Variants in CLSTN2 observed in about 807,000 individuals in gnomAD.
The protein encoded by CLSTN2 is calsyntenin 2, also known as calsyntenin-2.
In CLSTN2, 48 loss-of-function variants were observed where a neutral mutation model predicts 101.2. The observed-to-expected ratio is 0.47, with a 90% confidence interval of 0.38 to 0.60. The LOEUF is 0.60. Among genes scored for constraint, CLSTN2 ranks in the 20% least tolerant of loss-of-function variants. The probability of loss-of-function intolerance (pLI) is 0.00; values close to 1 mark genes in which losing one functional copy is unlikely to be tolerated. For missense variants in CLSTN2, 1,160 were observed against 1,238.2 expected, an observed-to-expected ratio of 0.94 and a Z score of 0.95; for synonymous variants, 481 against 463.6, an observed-to-expected ratio of 1.04 and a Z score of -0.48.
At chr3:140,397,310 A>G (rs2088193326) in intron 2 of CLSTN2, among the ~76,000 whole-genome samples, 1 of 152,162 alleles carries the variant, frequency 6.6e-6, no homozygotes, top group Non-Finnish European at 1.5e-5. Flanking sequence ...TTGGAAAGGA[A>G]GTGGTATTTT....
chr3:140,296,529 A>ATAT lies in CLSTN2; in HGVS notation c.233-107098_233-107096dup, dbSNP rs546907762. Among the ~76,000 whole-genome samples, 12 of 152,290 alleles carry ATAT rather than the reference A, an allele frequency of 7.9e-5. No homozygotes were observed. In the South Asian group the frequency reaches 2.3e-3, roughly 29 times the overall value. On this transcript the variant is annotated intron_variant, in intron 2 of 16. Coordinates refer to ENST00000458420, the MANE Select transcript of CLSTN2 (RefSeq NM_022131.3). ...TTCAAACAGTCTCAGCTTACTTGTT[A>ATAT]TATTTTTCATGGATTGCCTAATTCA... is the stretch of plus-strand genomic sequence containing the variant.
At chr3:139,996,908 G>A (rs1366941668) in intron 1 of CLSTN2, among the ~76,000 whole-genome samples, 4 of 151,780 alleles carry the variant, frequency 2.6e-5, no homozygotes, top group African/African-American at 4.8e-5. Context: ...TTAGCCGGGC[G>A]TGGTGGCGGG....
intron 2 of CLSTN2, among the ~76,000 whole-genome samples, chr3:140,181,429 A>AT (rs939215601): frequency 4.5e-4 from 69 of 152,122 alleles, no homozygotes; most frequent in Middle Eastern, 3.4e-3. Context: ...ATAATCTGTG[A>AT]TTTTTTTTAA....
intron 1 of CLSTN2, among the ~76,000 whole-genome samples, chr3:139,949,216 T>G (rs1311141601): frequency 6.6e-6 from 1 of 152,148 alleles, no homozygotes; most frequent in Non-Finnish European, 1.5e-5. Context: ...TGCGCCTCAC[T>G]AGATTGCGTT....
chr3:140,248,109 C>A (rs769234749), intron 2 of CLSTN2, among the ~76,000 whole-genome samples: 1 of 152,194 alleles, frequency 6.6e-6, no homozygotes, highest in Non-Finnish European at 1.5e-5. Context: ...GTGATGGGAT[C>A]TTCAAAGACC....
At chr3:140,321,594 C>T (rs991604937) in intron 2 of CLSTN2, among the ~76,000 whole-genome samples, 1 of 152,068 alleles carries the variant, frequency 6.6e-6, no homozygotes, top group African/African-American at 2.4e-5. Context: ...TAAATTTTTG[C>T]TGCACATTTT....
At chr3:140,380,894 G>A (rs577915458) in intron 2 of CLSTN2, among the ~76,000 whole-genome samples, 1 of 152,346 alleles carries the variant, frequency 6.6e-6, no homozygotes, top group East Asian at 1.9e-4. Context: ...AAGAAGTGTA[G>A]TTGTGGGCCT....
At chr3:140,492,843 G>T (rs978718398) in intron 8 of CLSTN2, among the ~76,000 whole-genome samples, 2 of 152,136 alleles carry the variant, frequency 1.3e-5, no homozygotes, top group Admixed American at 6.5e-5. Flanking sequence ...GGATGGAAAT[G>T]AACAGGGATG....
rs1933411531 is a variant in CLSTN2 at position 140,456,795 on chromosome 3, TAAAATAAAATAATA to T, written c.974-2713_974-2700del. Among the ~76,000 whole-genome samples the T allele has an allele frequency of 6.5e-5, 9 of 137,446 alleles. No individual in the cohort carries two copies. The South Asian group carries it at 2.1e-3, about 32-fold the overall frequency. The allele number at this position is 137,446 out of a possible 152,430, so 90.2% of individuals were successfully genotyped here. A position where few individuals can be genotyped will look rare whatever the true frequency, so the allele number is the denominator to read the frequency against. On this transcript the variant is annotated intron_variant, in intron 6 of 16. Transcript: ENST00000458420. Reference sequence around the variant, plus strand: ...GCAAGAGTCCGTCTCAAAAATAAAATAAAATAAAATAATAAAAATAAAATAAATAAGGTTACATA... The same window carrying T: ...GCAAGAGTCCGTCTCAAAAATAAAATAAAATAAAATAAATAAGGTTACATA...
intron 1 of CLSTN2, among the ~76,000 whole-genome samples, chr3:140,089,803 G>C (rs983555982): frequency 6.6e-6 from 1 of 150,956 alleles, no homozygotes; most frequent in Non-Finnish European, 1.5e-5. Flanking sequence ...GTAGAGATAG[G>C]GTTTTACCAT....
At chr3:140,145,289 C>T (rs1377141072) in intron 1 of CLSTN2, among the ~76,000 whole-genome samples, 1 of 152,182 alleles carries the variant, frequency 6.6e-6, no homozygotes, top group East Asian at 1.9e-4. Context: ...AGTGAAGGAG[C>T]CCCAGGGAAA....
intron 4 of CLSTN2, among the ~76,000 whole-genome samples, chr3:140,416,771 G>A (rs895065786): frequency 6.6e-6 from 1 of 152,220 alleles, no homozygotes; most frequent in Non-Finnish European, 1.5e-5. Context: ...TGACAGTGGA[G>A]GGAGCGGTAG....
At chr3:139,964,322 G>C (rs1935558270) in intron 1 of CLSTN2, among the ~76,000 whole-genome samples, 1 of 152,144 alleles carries the variant, frequency 6.6e-6, no homozygotes, top group African/African-American at 2.4e-5. Flanking sequence ...TGGGCTAGAG[G>C]AATGTAGGAA....
chr3:140,562,976 G>A lies in CLSTN2; in HGVS notation c.2358+20G>A. On this transcript the variant is annotated intron_variant, in intron 14 of 16. Transcript: ENST00000458420. Reference sequence around the variant, plus strand: ...TTGGAGGTGAGTGGGTCCTGCCATTGTTAGGGAAGCCAAGGCTCACCCATT... The same window carrying A: ...TTGGAGGTGAGTGGGTCCTGCCATTATTAGGGAAGCCAAGGCTCACCCATT... The A allele has an allele frequency of 3.1e-6, 5 of 1,613,686 alleles. No individual in the cohort carries two copies. The highest frequency in any genetic ancestry group is 4.2e-6 in the Non-Finnish European group (5 of 1,179,644).
intron 2 of CLSTN2, among the ~76,000 whole-genome samples, chr3:140,344,961 T>A (rs1576524884): frequency 6.6e-6 from 1 of 152,138 alleles, no homozygotes; most frequent in East Asian, 1.9e-4. Context: ...CATTTCCAAG[T>A]GGGCAGGCCA....
At chr3:140,399,842 G>T (rs987111378) in intron 2 of CLSTN2, among the ~76,000 whole-genome samples, 4 of 152,002 alleles carry the variant, frequency 2.6e-5, no homozygotes, top group Non-Finnish European at 4.4e-5. Flanking sequence ...CCAATAGGTA[G>T]TTTTCCTGAC....
At chr3:140,460,397 G>C (rs1487064958) in intron 7 of CLSTN2, 1 of 155,734 alleles carries the variant, frequency 6.4e-6, no homozygotes, top group African/African-American at 2.4e-5. Flanking sequence ...TGAATGGGAC[G>C]TTATAGTAGT....
chr3:140,207,649 C>T (rs979467061), intron 2 of CLSTN2, among the ~76,000 whole-genome samples: 10 of 152,096 alleles, frequency 6.6e-5, no homozygotes, highest in African/African-American at 2.4e-4. Flanking sequence ...AATAGAATAT[C>T]CTGTGCCTAT....
intron 1 of CLSTN2, among the ~76,000 whole-genome samples, chr3:139,970,842 T>C (rs1935685936): frequency 6.6e-6 from 1 of 152,192 alleles, no homozygotes; most frequent in African/African-American, 2.4e-5. Context: ...AAATAGTTCT[T>C]ATATGTAATG....
Sources: gnomAD v4.1 joint callset for allele counts (sites outside exome capture counted in the v4.1 genomes callset) on GRCh38, gnomAD v4.1.1 for gene constraint, MANE v1.5 for transcripts, NCBI Gene and HGNC (gene_info 2026-07-23, HGNC 2026-07-21) for gene names.